The following MYO5C variants were observed in gnomAD, a reference collection of about 807,000 sequenced individuals.
MYO5C encodes the protein unconventional myosin-Vc.
Under a neutral mutation model 235.7 loss-of-function variants are expected in MYO5C, and 194 were observed. The ratio of observed to expected loss-of-function variants is 0.82; its 90% CI spans 0.73 to 0.93. The LOEUF (loss-of-function observed/expected upper bound fraction) is 0.93. Ranked by LOEUF, MYO5C falls within the 40% of genes least tolerant of loss-of-function variation. The pLI is 0.00. For missense variants in MYO5C, 2,038 were observed against 2,127.2 expected, an observed-to-expected ratio of 0.96 and a Z score of 0.82; for synonymous variants, 707 against 754.8, an observed-to-expected ratio of 0.94 and a Z score of 1.04.
At chr15:52,197,438 T>C (rs1596126763) in intron 38 of MYO5C, among the ~76,000 whole-genome samples, 1 of 152,208 alleles carries the variant, frequency 6.6e-6, no homozygotes, top group East Asian at 1.9e-4. Flanking sequence ...ATAGGCAAAA[T>C]CTGTAGAGAA....
chr15:52,232,184 GAGGAAGGGAGGAAGGA>G (rs139362302), intron 24 of MYO5C, among the ~76,000 whole-genome samples: 4,522 of 35,622 alleles, frequency 0.13, 1,241 homozygotes, highest in East Asian at 0.36. Flanking sequence ...GGGAGGAAGG[GAGGAAGGGAGGAAGGA>G]AGGAAGGAAA....
At chr15:52,293,110 G>A (rs1254653784) in intron 1 of MYO5C, among the ~76,000 whole-genome samples, 1 of 152,162 alleles carries the variant, frequency 6.6e-6, no homozygotes, top group Admixed American at 6.5e-5. Flanking sequence ...TCTAAGGCAT[G>A]GCACCTGTAG....
At chr15:52,226,205 T>C (rs1045936907) in intron 25 of MYO5C, among the ~76,000 whole-genome samples, 4 of 152,180 alleles carry the variant, frequency 2.6e-5, no homozygotes, top group Non-Finnish European at 5.9e-5. Flanking sequence ...TGCAAGGACA[T>C]GGGCAAAGTT....
At chr15:52,241,976 C>T in intron 20 of MYO5C, 72 bp downstream of exon 20, 2 of 1,475,936 alleles carry the variant, frequency 1.4e-6, no homozygotes, top group East Asian at 2.3e-5. Context: ...AAGTCTTTCC[C>T]TGGGCCCTGT....
chr15:52,218,733 G>A, intron 31 of MYO5C, 46 bp from the exon 32 acceptor site: 1 of 1,592,346 alleles, frequency 6.3e-7, no homozygotes, highest in Non-Finnish European at 8.6e-7. Flanking sequence ...TGACGGTCAT[G>A]GAGAAGTCAC....
Position 52,218,681 on chromosome 15 carries a change from C to T in MYO5C, c.3792G>A (p.Leu1264=), listed in dbSNP as rs749655375. 6.2e-7 allele frequency: 1 copy of T among 1,614,078 alleles called. No individual in the cohort carries two copies. Among genetic ancestry groups the T allele is most frequent in the Non-Finnish European group, 8.5e-7 (1 of 1,179,978 alleles). Residue 1264 remains leucine, a synonymous_variant, in exon 32 of 41, where the codon TTG becomes TTA. Transcript: ENST00000261839. ...QEEEGTQRKA[L]EAQNEIHTKE... is the part of the protein sequence containing the mutation. ...TGGTATGTATTTCATTTTGGGCTTC[C>T]AAGGCCCTGAGAAAGGGAGGGAGGA...
At chr15:52,256,935 A>G in intron 10 of MYO5C, 1 of 492,752 alleles carries the variant, frequency 2.0e-6, no homozygotes, top group Non-Finnish European at 3.6e-6. Flanking sequence ...TGGTAGGTAT[A>G]AAACACCTAC....
At chr15:52,199,272 A>T (rs1473498291) in intron 38 of MYO5C, among the ~76,000 whole-genome samples, 2 of 152,184 alleles carry the variant, frequency 1.3e-5, no homozygotes, top group Non-Finnish European at 2.9e-5. Flanking sequence ...AAATACTGCC[A>T]CAGTCCTTTC....
chr15:52,267,853 G>A lies in MYO5C; in HGVS notation c.940+1900C>T, dbSNP rs571763622. Among the ~76,000 whole-genome samples the A allele has an allele frequency of 2.6e-5, 4 of 152,254 alleles. No individual in the cohort carries two copies. The East Asian group carries it at 7.7e-4, about 29-fold the overall frequency. ...GAGAGTAGAAGGATCAGGGAGATGA[G>A]GGTGGGCAGGGCAGGGCATATCCTT... On this transcript the variant is annotated intron_variant, in intron 8 of 40. Coordinates refer to ENST00000261839, the MANE Select transcript of MYO5C (RefSeq NM_018728.4).
At chr15:52,224,420 G>A (rs1044278580) in intron 28 of MYO5C, among the ~76,000 whole-genome samples, 4 of 152,308 alleles carry the variant, frequency 2.6e-5, no homozygotes, top group Middle Eastern at 3.4e-3. Flanking sequence ...TGACAGTGGC[G>A]TGTCAGTGTT....
intron 38 of MYO5C, among the ~76,000 whole-genome samples, chr15:52,202,480 A>G (rs1000684107): frequency 4.6e-5 from 7 of 152,178 alleles, no homozygotes; most frequent in Admixed American, 6.5e-5. Context: ...AAGTTGTTCT[A>G]AGACCTGGAG....
chr15:52,251,798 G>C, intron 12 of MYO5C, among the ~76,000 whole-genome samples: 1 of 151,966 alleles, frequency 6.6e-6, no homozygotes, highest in South Asian at 2.1e-4. Flanking sequence ...CTAAGTAGCT[G>C]GGATTACAAG....
rs562474540 is a variant in MYO5C, at chr15:52,227,330, G to C, written c.3208-1798C>G. ...CTGCCTCAGCCTCCCGAGTAGCTGG[G>C]ACTACAGGTGTGTGCTACCTCGCCC... is the stretch of plus-strand genomic sequence containing the variant. On this transcript the variant is annotated intron_variant, in intron 25 of 40. Coordinates refer to ENST00000261839, the MANE Select transcript of MYO5C (RefSeq NM_018728.4). Among the ~76,000 whole-genome samples, 3 of 150,092 alleles carry C rather than the reference G, an allele frequency of 2.0e-5. No individual in the cohort carries two copies. The East Asian group carries it at 6.1e-4, about 31-fold the overall frequency.
intron 7 of MYO5C, among the ~76,000 whole-genome samples, chr15:52,271,069 CATCAAGGAAGGTCAAATT>C (rs888835988): frequency 7.5e-4 from 114 of 152,098 alleles, no homozygotes; most frequent in Non-Finnish European, 2.6e-4. Context: ...GACCTTGAGC[CATCAAGGAAGGTCAAATT>C]ATGATACAGG....
chr15:52,254,634 A>C lies in MYO5C; in HGVS notation c.1396-1177T>G, dbSNP rs143373055. Among the ~76,000 whole-genome samples the C allele has an allele frequency of 7.2e-5, 11 of 152,208 alleles. No individual in the cohort carries two copies. The East Asian group carries it at 2.1e-3, about 29-fold the overall frequency. ...GGATCTACACATTGATGGATGACTCAGAAAAAGGAGAAGAGGAAAAAGGAA... is the reference window on the plus strand; with the variant it reads ...GGATCTACACATTGATGGATGACTCCGAAAAAGGAGAAGAGGAAAAAGGAA... On this transcript the variant is annotated intron_variant, in intron 11 of 40. Coordinates refer to ENST00000261839, the MANE Select transcript of MYO5C (RefSeq NM_018728.4).
chr15:52,289,907 C>T (rs2037351745), intron 1 of MYO5C, among the ~76,000 whole-genome samples: 2 of 152,210 alleles, frequency 1.3e-5, no homozygotes, highest in South Asian at 4.1e-4. Context: ...TGGAACATGG[C>T]AGGCCTTCTT....
intron 23 of MYO5C, 65 bp from the exon 24 acceptor site, chr15:52,232,750 T>C (rs1256051964): frequency 3.5e-6 from 5 of 1,410,036 alleles, no homozygotes; most frequent in Middle Eastern, 1.8e-4. Flanking sequence ...TTTCATGTTA[T>C]GTTTAAGAAA....
rs757157140 is a variant in MYO5C, at chr15:52,256,629, G to C, written c.1395+10C>G. ...TGAGAACTAGTCAAGAAGGCAGAAA[G>C]GTCACCTACCATGTTAAACTGTTGT... On this transcript the variant is annotated intron_variant, in intron 11 of 40. Coordinates refer to ENST00000261839, the MANE Select transcript of MYO5C (RefSeq NM_018728.4). The C allele has an allele frequency of 3.2e-6, 5 of 1,560,794 alleles. No homozygotes were observed. The highest frequency in any genetic ancestry group is 4.4e-6 in the Non-Finnish European group (5 of 1,147,150).
rs2140857298 is a variant in MYO5C, at chr15:52,279,517, G to A, written c.296C>T (p.Thr99Ile). 1.2e-6 allele frequency: 2 copies of A among 1,613,014 alleles called. No homozygotes were observed. The highest frequency in any genetic ancestry group is 1.7e-6 in the Non-Finnish European group (2 of 1,179,050). The change falls in exon 3 of 41, where the codon ACC becomes ATC. Residue 99 changes from threonine to isoleucine, a missense_variant. Transcript: ENST00000261839. ...AGAATTGCTCTCCTTACCACTGTAG[G>A]TGTAAATGAGTTTGGATTCTGCAAA... ...IRFAESKLIY[T>I]YSGIILVAMN... is the part of the protein sequence containing the mutation.
Sources: allele counts gnomAD v4.1 joint callset (sites outside exome capture counted in the v4.1 genomes callset), GRCh38; gene constraint gnomAD v4.1.1; transcripts MANE v1.5; gene names NCBI Gene and HGNC (gene_info 2026-07-23, HGNC 2026-07-21).